Variants in DCTN2 observed in about 807,000 individuals in gnomAD.
The protein encoded by DCTN2 is dynactin subunit 2.
DCTN2 carries 18 observed loss-of-function variants against 55.4 expected under a neutral mutation model. The ratio of observed to expected loss-of-function variants is 0.32; its 90% confidence interval spans 0.22 to 0.48. The LOEUF is 0.48. Ranked by LOEUF, DCTN2 falls within the 20% of genes least tolerant of loss-of-function variation. The pLI, the probability that DCTN2 is intolerant of heterozygous loss-of-function variation, is 0.99. For missense variants in DCTN2, 390 were observed against 491.0 expected (o/e 0.79, Z 1.94); for synonymous variants, 168 against 185.2 (o/e 0.91, Z 0.76).
At chr12:57,543,869 C>T in intron 2 of DCTN2, 1 of 1,259,270 alleles carries the variant, frequency 7.9e-7, no homozygotes, top group Non-Finnish European at 1.0e-6. Context: ...TCATCAGCCA[C>T]CCCACTAGAT....
chr12:57,530,062 C>G lies in DCTN2; in HGVS notation c.*627G>C, dbSNP rs1353772840. The G allele has an allele frequency of 6.6e-6, 1 of 152,576 alleles. No individual in the cohort carries two copies. The highest frequency in any genetic ancestry group is 1.5e-5 in the Non-Finnish European group (1 of 68,050). The allele number at this position is 152,576 out of a possible 1,614,324, so 9.5% of individuals were successfully genotyped here. ...GACAAGACCCTTGGGAGTTTTAATT[C>G]TGTTTTGTACTTGCCCTGTGGGGCC... On this transcript the variant is annotated 3_prime_UTR_variant, in exon 14 of 14. Coordinates refer to ENST00000548249, the MANE Select transcript of DCTN2 (RefSeq NM_001261413.2).
intron 2 of DCTN2, chr12:57,542,959 G>T (rs1880820487): frequency 2.2e-6 from 1 of 455,916 alleles, no homozygotes; most frequent in African/African-American, 2.0e-5. Context: ...TGAATCCTCT[G>T]TTCCCTGTGC....
At position 57,546,097 on chromosome 12, in the gene DCTN2, C is replaced by G. The variant is rs1438797165; in HGVS notation, c.37-1G>C. ...CATAAACATCTGGCTCATTCCTGGCCTGCAGGTAGAAGCAGTGACCACCCA... is the reference window on the plus strand; with the variant it reads ...CATAAACATCTGGCTCATTCCTGGCGTGCAGGTAGAAGCAGTGACCACCCA... On this transcript the variant is annotated splice_acceptor_variant, in intron 1 of 13. Transcript: ENST00000548249. LOFTEE classifies it high-confidence loss of function. The G allele has an allele frequency of 6.2e-7, 1 of 1,613,948 alleles. No individual in the cohort carries two copies.
intron 5 of DCTN2, 168 bp from the exon 6 acceptor site, chr12:57,534,620 G>GCA: frequency 1.7e-6 from 1 of 592,100 alleles, no homozygotes; most frequent in East Asian, 3.1e-5. Context: ...ATGCATATTT[G>GCA]TAAACTCTGG....
At chr12:57,533,367 G>T in intron 7 of DCTN2, 64 bp from the exon 8 acceptor site, 2 of 1,450,016 alleles carry the variant, frequency 1.4e-6, no homozygotes, top group South Asian at 1.1e-5. Flanking sequence ...GGAGGAATAC[G>T]ATCCTGCTCT....
rs549733890 is a variant in DCTN2 at position 57,534,791 on chromosome 12, C to T, written c.363+265G>A. On this transcript the variant is annotated intron_variant, in intron 5 of 13. Coordinates refer to ENST00000548249, the MANE Select transcript of DCTN2 (RefSeq NM_001261413.2). ...AAGCAATTCTCCTGCCTTAGCCTCC[C>T]GAGTAGCTGGGATTACAGGTATGCG... Among the ~76,000 whole-genome samples, 5 of 152,266 alleles carry T rather than the reference C, an allele frequency of 3.3e-5. No individual in the cohort carries two copies. The East Asian group carries it at 5.8e-4, about 18-fold the overall frequency.
intron 2 of DCTN2, among the ~76,000 whole-genome samples, chr12:57,544,419 G>GTTT (rs35689804): frequency 2.8e-5 from 4 of 140,542 alleles, no homozygotes; most frequent in African/African-American, 7.9e-5. Flanking sequence ...TGTTGTACTG[G>GTTT]TTTTTTTTTT....
intron 2 of DCTN2, chr12:57,541,421 G>A (rs1565682960): frequency 4.4e-6 from 7 of 1,595,040 alleles, no homozygotes; most frequent in Non-Finnish European, 6.0e-6. Context: ...GAAGCATTAG[G>A]AAAAACTCAG....
chr12:57,547,082 TG>T lies in DCTN2; in HGVS notation c.-20del, dbSNP rs1881239022. 3 of 1,258,236 alleles carry T rather than the reference TG, an allele frequency of 2.4e-6. No individual in the cohort carries two copies. Among genetic ancestry groups the T allele is most frequent in the East Asian group, 3.1e-5 (1 of 32,374 alleles). 77.9% of individuals were successfully genotyped at this position (1,258,236 alleles called of 1,614,324 possible). A position where few individuals can be genotyped will look rare whatever the true frequency, so the allele number is the denominator to read the frequency against. On this transcript the variant is annotated 5_prime_UTR_variant, in exon 1 of 14. Coordinates refer to ENST00000548249, the MANE Select transcript of DCTN2 (RefSeq NM_001261413.2). ...CCGCCATGGCGGCGGCGAGACGGGC[TG>T]GGGGACCCGGGCCTCGGTGGAGCCG...
rs1408192160 is a variant in DCTN2 at position 57,530,880 on chromosome 12, A to AT, written c.1120-106dup. 3.0e-6 allele frequency: 3 copies of AT among 1,002,062 alleles called. No individual in the cohort carries two copies. In the African/African-American group the frequency reaches 4.8e-5, roughly 16 times the overall value. 62.1% of individuals were successfully genotyped at this position (1,002,062 alleles called of 1,614,324 possible). ...AGAGAAGACAAGAAATGGAAGCACA[A>AT]TTTGTGGGCCACAGAGGGGGGATGT... is the stretch of plus-strand genomic sequence containing the variant. On this transcript the variant is annotated intron_variant, in intron 13 of 13. Coordinates refer to ENST00000548249, the MANE Select transcript of DCTN2 (RefSeq NM_001261413.2).
At chr12:57,539,717 C>G (rs1880536023) in intron 2 of DCTN2, among the ~76,000 whole-genome samples, 1 of 152,150 alleles carries the variant, frequency 6.6e-6, no homozygotes, top group African/African-American at 2.4e-5. Context: ...CTAGACGATG[C>G]TAGGGTCCCA....
intron 1 of DCTN2, 137 bp downstream of exon 1, chr12:57,546,891 G>T (rs890434606): frequency 2.7e-6 from 2 of 743,388 alleles, no homozygotes; most frequent in South Asian, 6.4e-5. Flanking sequence ...TGCTGAGGCC[G>T]ATCGGAGAAC....
intron 7 of DCTN2, among the ~76,000 whole-genome samples, 182 bp downstream of exon 7, chr12:57,533,770 CA>C (rs34012531): frequency 0.7 from 87,760 of 124,682 alleles, 32,067 homozygotes; most frequent in Non-Finnish European, 0.84. Context: ...GACTCCGTCT[CA>C]AAAAAAAAAA....
At chr12:57,534,491 A>G (rs1253915791) in intron 5 of DCTN2, 39 bp from the exon 6 acceptor site, 2 of 1,555,918 alleles carry the variant, frequency 1.3e-6, no homozygotes, top group Admixed American at 3.8e-5. Context: ...GATGGCAAGA[A>G]TGAATCAAGA....
chr12:57,545,919 TG>T, intron 2 of DCTN2, 108 bp downstream of exon 2: 1 of 1,116,566 alleles, frequency 9.0e-7, no homozygotes, highest in Non-Finnish European at 1.3e-6. Context: ...CCACCCAGGC[TG>T]GGGTTGGCAT....
At chr12:57,534,775 T>A (rs1880085010) in intron 5 of DCTN2, among the ~76,000 whole-genome samples, 1 of 152,188 alleles carries the variant, frequency 6.6e-6, no homozygotes, top group African/African-American at 2.4e-5. Flanking sequence ...CAAGCAATTC[T>A]CCTGCCTTAG....
intron 11 of DCTN2, 99 bp from the exon 12 acceptor site, chr12:57,532,414 G>A (rs1403069886): frequency 1.5e-5 from 20 of 1,327,360 alleles, no homozygotes; most frequent in Admixed American, 3.9e-5. Context: ...GATCAAGTGG[G>A]CAGAGGGAAG....
At chr12:57,540,089 G>A (rs1880575011) in intron 2 of DCTN2, 1 of 985,340 alleles carries the variant, frequency 1.0e-6, no homozygotes, top group African/African-American at 1.7e-5. Context: ...TCAGGGTAGA[G>A]GTGGCTCCAG....
intron 5 of DCTN2, 152 bp from the exon 6 acceptor site, chr12:57,534,604 AGATG>A: frequency 1.6e-6 from 1 of 644,110 alleles, no homozygotes; most frequent in African/African-American, 1.8e-5. Flanking sequence ...CACTGCATAC[AGATG>A]GATGCATATT....
Sources: gnomAD v4.1 joint callset for allele counts (sites outside exome capture counted in the v4.1 genomes callset) on GRCh38, gnomAD v4.1.1 for gene constraint, MANE v1.5 for transcripts, NCBI Gene and HGNC (gene_info 2026-07-23, HGNC 2026-07-21) for gene names.